The following SAMMSON variants were observed in gnomAD, a reference collection of about 807,000 sequenced individuals.
SAMMSON encodes long intergenic non-protein coding RNA 1212.
At chr3:70,048,419 T>C (rs973545754) in intron 3 of SAMMSON, among the ~76,000 whole-genome samples, 2 of 152,124 alleles carry the variant, frequency 1.3e-5, no homozygotes, top group Admixed American at 1.3e-4. Flanking sequence ...TTATTACACA[T>C]AAATTTTTAT....
At chr3:70,085,397 T>G (rs192288521) in intron 4 of SAMMSON, among the ~76,000 whole-genome samples, 3 of 152,284 alleles carry the variant, frequency 2.0e-5, no homozygotes, top group African/African-American at 7.2e-5. Context: ...ACTCAGGACA[T>G]TGAGACAAAT....
intron 7 of SAMMSON, among the ~76,000 whole-genome samples, chr3:70,323,884 TCTC>T (rs1702556877): frequency 6.6e-6 from 1 of 152,024 alleles, no homozygotes; most frequent in Admixed American, 6.6e-5. Context: ...GGCACCAGCT[TCTC>T]CTGCAGGATG....
intron 7 of SAMMSON, among the ~76,000 whole-genome samples, chr3:70,338,167 T>C (rs1285600246): frequency 6.6e-6 from 1 of 152,024 alleles, no homozygotes; most frequent in Non-Finnish European, 1.5e-5. Flanking sequence ...GTTCTCTCCC[T>C]CAAAATGTTT....
chr3:70,126,190 A>C (rs78116527), intron 4 of SAMMSON: 1 of 1,112,336 alleles, frequency 9.0e-7, no homozygotes, highest in Non-Finnish European at 1.3e-6. Context: ...TGGTGTAATT[A>C]CATTTTCTAC....
At chr3:70,182,752 A>G (rs1167993776) in intron 4 of SAMMSON, among the ~76,000 whole-genome samples, 1 of 152,120 alleles carries the variant, frequency 6.6e-6, no homozygotes, top group African/African-American at 2.4e-5. Context: ...ATTTCTTGCT[A>G]ATTTAGGGCA....
intron 4 of SAMMSON, among the ~76,000 whole-genome samples, chr3:70,132,864 A>C (rs1187683022): frequency 2.0e-5 from 3 of 152,160 alleles, no homozygotes; most frequent in Non-Finnish European, 2.9e-5. Context: ...GTTTCTTTAA[A>C]GATGAGCTTT....
chr3:70,033,740 G>C (rs751263440), intron 3 of SAMMSON, among the ~76,000 whole-genome samples: 1 of 152,138 alleles, frequency 6.6e-6, no homozygotes, highest in Admixed American at 6.6e-5. Flanking sequence ...ACTGCTTGGA[G>C]AGAGGTGGAA....
chr3:70,363,403 A>C (rs945063063), intron 9 of SAMMSON, among the ~76,000 whole-genome samples: 1 of 152,002 alleles, frequency 6.6e-6, no homozygotes, highest in Non-Finnish European at 1.5e-5. Context: ...CTTCGCTGAC[A>C]ACATAATCTT....
intron 4 of SAMMSON, among the ~76,000 whole-genome samples, chr3:70,187,539 GC>G (rs891283690): frequency 1.4e-5 from 2 of 142,172 alleles, no homozygotes; most frequent in African/African-American, 5.3e-5. Flanking sequence ...CCGGGTTCAC[GC>G]CATTCTCCTG....
At chr3:70,203,918 G>A (rs539430982) in intron 4 of SAMMSON, among the ~76,000 whole-genome samples, 1 of 152,120 alleles carries the variant, frequency 6.6e-6, no homozygotes, top group East Asian at 1.9e-4. Flanking sequence ...TAGTCCTCTG[G>A]ACACTTTCCA....
At chr3:70,283,138 T>C (rs116624782) in intron 6 of SAMMSON, among the ~76,000 whole-genome samples, 233 of 152,240 alleles carry the variant, frequency 1.5e-3, no homozygotes, top group African/African-American at 5.3e-3. Context: ...TATCTTGACA[T>C]CAACAGTAGC....
At chr3:70,095,768 GTGTTAACTATAATATTCT>G (rs1268632364) in intron 4 of SAMMSON, among the ~76,000 whole-genome samples, 8 of 152,230 alleles carry the variant, frequency 5.3e-5, no homozygotes, top group Middle Eastern at 3.4e-3. Flanking sequence ...TGCTATCTAA[GTGTTAACTATAATATTCT>G]TGTTAACTAT....
intron 7 of SAMMSON, among the ~76,000 whole-genome samples, chr3:70,327,446 A>T (rs531610925): frequency 6.6e-6 from 1 of 152,282 alleles, no homozygotes; most frequent in African/African-American, 2.4e-5. Context: ...AGAGTCTGGT[A>T]GTAGGCCAGA....
At chr3:70,219,197 C>T (rs1055481163) in intron 4 of SAMMSON, among the ~76,000 whole-genome samples, 7 of 152,156 alleles carry the variant, frequency 4.6e-5, no homozygotes, top group Non-Finnish European at 1.0e-4. Flanking sequence ...AACAAGAATG[C>T]TCACATCTGC....
chr3:70,424,900 G>T (rs1365105563), intron 2 of SAMMSON: 1 of 152,226 alleles, frequency 6.6e-6, no homozygotes, highest in Admixed American at 6.5e-5. Flanking sequence ...TACCTCGAGG[G>T]ATAGAATTGC....
intron 2 of SAMMSON, among the ~76,000 whole-genome samples, chr3:70,427,478 G>T (rs1366058375): frequency 6.6e-6 from 1 of 152,118 alleles, no homozygotes; most frequent in Non-Finnish European, 1.5e-5. Context: ...GGTGGCTCAC[G>T]CCTGTAATCC....
chr3:70,214,874 T>C (rs923284161), intron 4 of SAMMSON, among the ~76,000 whole-genome samples: 1 of 152,050 alleles, frequency 6.6e-6, no homozygotes, highest in Admixed American at 6.6e-5. Context: ...ATAAAGATTA[T>C]GTTATCTGAG....
intron 7 of SAMMSON, among the ~76,000 whole-genome samples, chr3:70,328,744 GA>G (rs1294961321): frequency 6.6e-6 from 1 of 151,984 alleles, no homozygotes; most frequent in Non-Finnish European, 1.5e-5. Context: ...AGGAGACAGG[GA>G]AAAAATACAT....
chr3:70,159,833 A>G (rs571149107), intron 4 of SAMMSON, among the ~76,000 whole-genome samples: 1 of 152,168 alleles, frequency 6.6e-6, no homozygotes, highest in Admixed American at 6.5e-5. Context: ...CTGGAATTAC[A>G]GTGTGAGCCA....
Sources: allele counts gnomAD v4.1 joint callset (sites outside exome capture counted in the v4.1 genomes callset), GRCh38; gene constraint gnomAD v4.1.1; transcripts MANE v1.5; gene names NCBI Gene and HGNC (gene_info 2026-07-23, HGNC 2026-07-21).